The following RPL26L1 variants were observed in gnomAD, a reference collection of about 807,000 sequenced individuals.
RPL26L1 encodes ribosomal protein L26 like 1.
Under a neutral mutation model 15.2 loss-of-function variants are expected in RPL26L1, and 8 were observed. The ratio of observed to expected loss-of-function variants is 0.53; its 90% CI spans 0.31 to 0.95. RPL26L1 has a LOEUF of 0.95. Ranked by LOEUF, RPL26L1 falls within the 40% of genes least tolerant of loss-of-function variation. The probability of loss-of-function intolerance (pLI) is 0.05; values close to 1 mark genes in which losing one functional copy is unlikely to be tolerated. For missense variants in RPL26L1, 146 were observed against 190.9 expected (o/e 0.76, Z 1.39); for synonymous variants, 51 against 65.9 (o/e 0.77, Z 1.09).
intron 1 of RPL26L1, 181 bp downstream of exon 1, chr5:172,959,649 C>T: frequency 2.5e-6 from 3 of 1,213,280 alleles, no homozygotes; most frequent in South Asian, 1.6e-5. Flanking sequence ...ACCCTCTCCC[C>T]CACGACCCCT....
At chr5:172,957,733 G>A (rs747655185), upstream of RPL26L1, 17 of 164,498 alleles carry the variant, frequency 1.0e-4, no homozygotes, top group South Asian at 2.9e-4. Flanking sequence ...TGTGTGCGCC[G>A]TTATGCCAGC....
intron 2 of RPL26L1, among the ~76,000 whole-genome samples, chr5:172,966,922 C>A (rs1210230766): frequency 2.0e-5 from 3 of 151,314 alleles, no homozygotes; most frequent in Non-Finnish European, 4.4e-5. Context: ...GTGGCACCAT[C>A]TCAGCTCACT....
chr5:172,965,932 A>T (rs1181932616), intron 2 of RPL26L1, among the ~76,000 whole-genome samples: 2 of 152,168 alleles, frequency 1.3e-5, no homozygotes, highest in East Asian at 3.8e-4. Context: ...CTCCTAAAAT[A>T]CGGGGCTTCC....
At chr5:172,959,179 G>C (rs1755113859), upstream of RPL26L1, 1 of 160,442 alleles carries the variant, frequency 6.2e-6, no homozygotes, top group South Asian at 2.0e-4. Flanking sequence ...CCGAGCTCGC[G>C]CCACTGCACT....
upstream of RPL26L1, chr5:172,958,716 T>TGC (rs536946113): frequency 3.0e-3 from 750 of 253,058 alleles, 7 homozygotes; most frequent in African/African-American, 0.015. Context: ...CTCCAGGCAG[T>TGC]CTTCCAGGGG....
At chr5:172,957,282 A>G, upstream of RPL26L1, 1 of 456,226 alleles carries the variant, frequency 2.2e-6, no homozygotes, top group South Asian at 1.5e-5. Context: ...CCAGGATATC[A>G]TTGTGCCTGT....
chr5:172,963,368 G>A (rs1360578732), intron 2 of RPL26L1, among the ~76,000 whole-genome samples: 1 of 101,072 alleles, frequency 9.9e-6, no homozygotes, highest in African/African-American at 2.7e-5. Context: ...AGTAAAACTC[G>A]GTCTCAAAAA....
chr5:172,960,297 G>A (rs1367579517), intron 2 of RPL26L1, among the ~76,000 whole-genome samples: 1 of 152,094 alleles, frequency 6.6e-6, no homozygotes, highest in Non-Finnish European at 1.5e-5. Context: ...TGTTTGTTTT[G>A]TAGAGATAGG....
At chr5:172,965,667 C>T (rs1755424401) in intron 2 of RPL26L1, among the ~76,000 whole-genome samples, 1 of 152,224 alleles carries the variant, frequency 6.6e-6, no homozygotes, top group Non-Finnish European at 1.5e-5. Flanking sequence ...ACCACACTTG[C>T]ATGATTTCCC....
At chr5:172,964,114 T>C (rs1010879780) in intron 2 of RPL26L1, among the ~76,000 whole-genome samples, 119 of 152,084 alleles carry the variant, frequency 7.8e-4, no homozygotes, top group African/African-American at 2.2e-3. Context: ...GTTAAATATA[T>C]ATATATTTTA....
At chr5:172,954,383 C>T (rs968884712), upstream of RPL26L1, among the ~76,000 whole-genome samples, 1 of 150,148 alleles carries the variant, frequency 6.7e-6, no homozygotes, top group African/African-American at 2.5e-5. Flanking sequence ...GTCTGGGCAA[C>T]ATGATGAAAC....
chr5:172,964,134 CATTTATTTATTT>C (rs374541148), intron 2 of RPL26L1, among the ~76,000 whole-genome samples: 1 of 151,716 alleles, frequency 6.6e-6, no homozygotes, highest in South Asian at 2.1e-4. Flanking sequence ...AAATTAGAGA[CATTTATTTATTT>C]ATTTATTTAT....
upstream of RPL26L1, chr5:172,955,004 G>C (rs933161322): frequency 6.6e-6 from 3 of 456,056 alleles, no homozygotes; most frequent in Admixed American, 7.1e-5. Context: ...GACGTGCTTC[G>C]TGAGGAGAGA....
At chr5:172,962,561 T>C (rs532456976) in intron 2 of RPL26L1, among the ~76,000 whole-genome samples, 3 of 151,520 alleles carry the variant, frequency 2.0e-5, no homozygotes, top group South Asian at 4.2e-4. Flanking sequence ...CTCACGCCTG[T>C]AATCCCAGCA....
upstream of RPL26L1, chr5:172,956,075 C>G (rs1327387557): frequency 6.6e-6 from 1 of 152,120 alleles, no homozygotes; most frequent in Non-Finnish European, 1.5e-5. Context: ...AGCGTTCTTA[C>G]AATTTTTTAA....
chr5:172,964,852 C>T (rs972458224), intron 2 of RPL26L1, among the ~76,000 whole-genome samples: 12 of 152,206 alleles, frequency 7.9e-5, no homozygotes, highest in African/African-American at 2.9e-4. Flanking sequence ...ACCTGTAGTT[C>T]CACCCCTCTT....
intron 2 of RPL26L1, among the ~76,000 whole-genome samples, chr5:172,964,737 C>A (rs1755383758): frequency 6.6e-6 from 1 of 152,228 alleles, no homozygotes; most frequent in African/African-American, 2.4e-5. Flanking sequence ...ATCTCACTTA[C>A]CTTCCTCTTT....
chr5:172,968,510 T>C lies in RPL26L1; in HGVS notation c.220T>C (p.Tyr74His). Residue 74 changes from tyrosine (Y) to histidine (H), a missense_variant, in exon 3 of 4, where the codon TAC becomes CAC. Transcript: ENST00000265100. ...GQQIGKVVQV[Y>H]RKKYVIYIER... Reference sequence around the variant, plus strand: ...GCAAATTGGCAAGGTAGTCCAGGTGTACAGAAAGAAATATGTCATCTACAT... The same window carrying C: ...GCAAATTGGCAAGGTAGTCCAGGTGCACAGAAAGAAATATGTCATCTACAT... The C allele has an allele frequency of 6.2e-7, 1 of 1,614,128 alleles. No homozygotes were observed. The highest frequency in any genetic ancestry group is 8.5e-7 in the Non-Finnish European group (1 of 1,180,010).
chr5:172,959,741 G>A (rs967788724), intron 1 of RPL26L1, 124 bp from the exon 2 acceptor site: 7 of 1,215,180 alleles, frequency 5.8e-6, no homozygotes, highest in Non-Finnish European at 3.5e-6. Flanking sequence ...TCCCTCAGTT[G>A]CCTTTTCAGA....
Sources: allele counts gnomAD v4.1 joint callset (sites outside exome capture counted in the v4.1 genomes callset), GRCh38; gene constraint gnomAD v4.1.1; transcripts MANE v1.5; gene names NCBI Gene and HGNC (gene_info 2026-07-23, HGNC 2026-07-21).